MCTP1: variants seen among roughly 807,000 people sequenced by gnomAD.
MCTP1 encodes the protein multiple C2 and transmembrane domain-containing protein 1.
A neutral mutation model predicts 120.6 loss-of-function variants in MCTP1; 69 were observed. That is an observed-to-expected ratio of 0.57 (90% confidence interval 0.47 to 0.70). MCTP1 has a LOEUF of 0.70. Ranked by LOEUF, MCTP1 falls within the 30% of genes least tolerant of loss-of-function variation. The pLI is 0.00. For synonymous variants in MCTP1, 529 were observed against 493.1 expected, an observed-to-expected ratio of 1.07 and a Z score of -0.96; for missense variants, 1,203 against 1,248.8, an observed-to-expected ratio of 0.96 and a Z score of 0.55.
At position 95,284,251 on chromosome 5, in the gene MCTP1, G is replaced by A; in HGVS notation, c.325C>T (p.Pro109Ser). 1 of 1,589,618 alleles carries A rather than the reference G, an allele frequency of 6.3e-7. No individual in the cohort carries two copies. Among genetic ancestry groups the A allele is most frequent in the Non-Finnish European group, 8.5e-7 (1 of 1,175,026 alleles). ...TGCTCGGCTCTGCCGGCGCCGCCGG[G>A]CTCCAGGGGCTCCGGCGACGAGCAG... The part of the protein sequence containing the change: ...LCCSSPEPLE[P>S]GGAGRAEQGS... Residue 109 changes from proline (P) to serine (S), a missense_variant, in exon 1 of 23, where the codon CCC becomes TCC. This residue lies in a region of MCTP1 where 463 missense variants were observed against 377.8 expected (regional missense o/e 1.23). Transcript: ENST00000515393. This position sits in a 1 kb window ranked among gnomAD's most constrained non-coding sequence, Gnocchi z 5.2.
At chr5:94,875,733 C>T (rs1259936621) in intron 12 of MCTP1, among the ~76,000 whole-genome samples, 1 of 150,348 alleles carries the variant, frequency 6.7e-6, no homozygotes, top group Non-Finnish European at 1.5e-5. Flanking sequence ...ATTCACTGAG[C>T]TTAGCCAAGT....
At chr5:95,168,798 C>G (rs931717530) in intron 1 of MCTP1, among the ~76,000 whole-genome samples, 3 of 152,152 alleles carry the variant, frequency 2.0e-5, no homozygotes, top group Non-Finnish European at 2.9e-5. Context: ...AGATTTTGGG[C>G]TGAGACAATG....
At chr5:94,818,552 A>G (rs2153092082) in intron 17 of MCTP1, among the ~76,000 whole-genome samples, 1 of 152,322 alleles carries the variant, frequency 6.6e-6, no homozygotes, top group East Asian at 1.9e-4. Flanking sequence ...GGCTTCCTAG[A>G]GAGTAGACTA....
intron 1 of MCTP1, among the ~76,000 whole-genome samples, chr5:95,131,432 C>T (rs942490055): frequency 9.2e-5 from 14 of 152,182 alleles, no homozygotes; most frequent in Admixed American, 8.5e-4. Flanking sequence ...CCCTTACTCA[C>T]TGGATCAAAA....
chr5:94,886,697 T>C (rs1183324538), intron 12 of MCTP1, among the ~76,000 whole-genome samples: 2 of 152,200 alleles, frequency 1.3e-5, no homozygotes, highest in African/African-American at 4.8e-5. Flanking sequence ...CGCTAGTCAA[T>C]TGCCTCTTTT....
intron 2 of MCTP1, among the ~76,000 whole-genome samples, chr5:94,995,191 A>G (rs773519597): frequency 6.6e-6 from 1 of 152,152 alleles, no homozygotes; most frequent in Non-Finnish European, 1.5e-5. Flanking sequence ...GATTCTTTAG[A>G]TATCTTTTAC....
At chr5:95,016,541 A>G (rs1837146552) in intron 2 of MCTP1, among the ~76,000 whole-genome samples, 1 of 152,038 alleles carries the variant, frequency 6.6e-6, no homozygotes, top group Non-Finnish European at 1.5e-5. Context: ...TGGTGCCAGA[A>G]GCACTCTCAG....
In MCTP1 at chr5:94,923,969, AAG is replaced by A. The variant is rs1332400871; in HGVS notation, c.1263_1264del (p.Phe422LeufsTer56). ...AAAGGATTTAGACATTACCCTCCAA[AAG>A]AGAGACTTCACAGAGAAATAAGATC... On this transcript the variant is annotated frameshift_variant, in exon 7 of 23. Coordinates refer to ENST00000515393, the MANE Select transcript of MCTP1 (RefSeq NM_024717.7). LOFTEE classifies it high-confidence loss of function. 1.6e-5 allele frequency: 24 copies of A among 1,526,362 alleles called. No homozygotes were observed. Among genetic ancestry groups the A allele is most frequent in the Non-Finnish European group, 1.8e-5 (21 of 1,143,280 alleles). The allele number at this position is 1,526,362 out of a possible 1,614,324, so 94.6% of individuals were successfully genotyped here.
At chr5:95,162,609 T>G (rs921431800) in intron 1 of MCTP1, among the ~76,000 whole-genome samples, 5 of 152,208 alleles carry the variant, frequency 3.3e-5, no homozygotes, top group African/African-American at 1.2e-4. Flanking sequence ...ATCAGACATT[T>G]CAGCCAAAAT....
chr5:94,713,200 A>AC (rs2152549355), intron 20 of MCTP1, among the ~76,000 whole-genome samples: 1 of 151,944 alleles, frequency 6.6e-6, no homozygotes, highest in East Asian at 1.9e-4. Flanking sequence ...ATTCCATGTG[A>AC]CCCCCAGGAG....
intron 1 of MCTP1, among the ~76,000 whole-genome samples, chr5:95,185,325 A>C (rs1749087870): frequency 6.6e-6 from 1 of 152,252 alleles, no homozygotes; most frequent in African/African-American, 2.4e-5. Context: ...CCAATAACAT[A>C]CCATGACCAA....
At chr5:95,101,336 A>G (rs1052209598) in intron 1 of MCTP1, among the ~76,000 whole-genome samples, 7 of 152,240 alleles carry the variant, frequency 4.6e-5, no homozygotes, top group Non-Finnish European at 8.8e-5. Context: ...AAAATAGGTA[A>G]TATTTCCTGT....
At chr5:95,241,205 C>T (rs1029492783) in intron 1 of MCTP1, among the ~76,000 whole-genome samples, 3 of 151,966 alleles carry the variant, frequency 2.0e-5, no homozygotes, top group Non-Finnish European at 2.9e-5. Context: ...TATTATTATC[C>T]TTCATATTCA....
intron 10 of MCTP1, among the ~76,000 whole-genome samples, chr5:94,907,928 G>C (rs943621226): frequency 5.3e-5 from 8 of 152,010 alleles, no homozygotes; most frequent in Admixed American, 3.3e-4. Context: ...GGTTGAAGTA[G>C]CAAGTTACAC....
At chr5:95,007,072 G>C (rs1176917783) in intron 2 of MCTP1, among the ~76,000 whole-genome samples, 4 of 152,122 alleles carry the variant, frequency 2.6e-5, no homozygotes, top group Admixed American at 1.3e-4. Context: ...GGTGGAAGGG[G>C]AAGCAAACAC....
At chr5:95,248,971 G>A (rs967631747) in intron 1 of MCTP1, among the ~76,000 whole-genome samples, 2 of 152,180 alleles carry the variant, frequency 1.3e-5, no homozygotes, top group Non-Finnish European at 1.5e-5. Context: ...GTAGAAAGCT[G>A]AAACTGGACC....
chr5:94,940,338 A>T (rs1170629222), intron 4 of MCTP1, 143 bp from the exon 5 acceptor site: 2 of 529,414 alleles, frequency 3.8e-6, no homozygotes, highest in African/African-American at 3.8e-5. Context: ...TTAAAATATT[A>T]TCAGTGTATT....
chr5:94,947,587 G>T (rs866928483), intron 3 of MCTP1, among the ~76,000 whole-genome samples: 6,187 of 47,180 alleles, frequency 0.13, 228 homozygotes, highest in East Asian at 0.21. Context: ...TAGAGAGAGA[G>T]AGAGAGAGAG....
intron 17 of MCTP1, among the ~76,000 whole-genome samples, chr5:94,827,970 A>C (rs973851449): frequency 6.6e-6 from 1 of 151,898 alleles, no homozygotes; most frequent in Non-Finnish European, 1.5e-5. Flanking sequence ...ACTATTCGTT[A>C]AACTCATTTT....
Sources: gnomAD v4.1 joint callset for allele counts (sites outside exome capture counted in the v4.1 genomes callset) on GRCh38, gnomAD v4.1.1 for gene constraint, gnomAD v4.1.1 regional missense constraint, Gnocchi (gnomAD v3.1) non-coding constraint, MANE v1.5 for transcripts, NCBI Gene and HGNC (gene_info 2026-07-23, HGNC 2026-07-21) for gene names.